FCHSD2: variants seen among roughly 807,000 people sequenced by gnomAD.
FCHSD2 encodes the protein F-BAR and double SH3 domains protein 2.
In FCHSD2, 38 loss-of-function variants were observed where a neutral mutation model predicts 108.1. The ratio of observed to expected loss-of-function variants is 0.35; its 90% CI spans 0.27 to 0.46. The LOEUF is 0.46. Among genes scored for constraint, FCHSD2 ranks in the 20% least tolerant of loss-of-function variants. FCHSD2 has a pLI of 1.00. For synonymous variants in FCHSD2, 279 were observed against 314.7 expected (o/e 0.89, Z 1.20); for missense variants, 751 against 897.8 (o/e 0.84, Z 2.09).
intron 3 of FCHSD2, among the ~76,000 whole-genome samples, chr11:73,079,938 T>C (rs918870749): frequency 1.3e-5 from 2 of 152,028 alleles, no homozygotes; most frequent in Non-Finnish European, 2.9e-5. Context: ...CGTTACATAG[T>C]TTACATACAT....
At position 72,921,834 on chromosome 11, in the gene FCHSD2, G is replaced by A. The variant is rs1473974125; in HGVS notation, c.822C>T (p.Ser274=). The change falls in exon 9 of 20, where the codon TCC becomes TCT. Residue 274 remains serine (S), a synonymous_variant. Coordinates refer to ENST00000409418, the MANE Select transcript of FCHSD2 (RefSeq NM_014824.3). ...QNTFQFLLEN[S]SKVVRDYNLQ... ...TGCACTAAAGGTAACTTACCTTGCT[G>A]GAGTTTTCTAATAAAAACTGGAATG... 1 of 1,611,238 alleles carries A rather than the reference G, an allele frequency of 6.2e-7. No homozygotes were observed. Among genetic ancestry groups the A allele is most frequent in the Non-Finnish European group, 8.5e-7 (1 of 1,178,380 alleles).
intron 2 of FCHSD2, among the ~76,000 whole-genome samples, chr11:73,129,798 G>A (rs1860949756): frequency 1.3e-5 from 2 of 152,090 alleles, no homozygotes; most frequent in South Asian, 4.2e-4. Flanking sequence ...AAAAAGGGTT[G>A]GGGACCACTG....
intron 1 of FCHSD2, among the ~76,000 whole-genome samples, chr11:73,140,944 C>T (rs774423749): frequency 1.2e-4 from 18 of 152,160 alleles, no homozygotes; most frequent in Non-Finnish European, 2.2e-4. Context: ...ATGGAGAAAC[C>T]CGGATTAGGA....
intron 3 of FCHSD2, among the ~76,000 whole-genome samples, chr11:73,049,343 G>A (rs1174117194): frequency 6.6e-6 from 1 of 152,002 alleles, no homozygotes; most frequent in Non-Finnish European, 1.5e-5. Context: ...TCTGATTTCT[G>A]TATCAATGGC....
intron 9 of FCHSD2, among the ~76,000 whole-genome samples, chr11:72,913,992 G>A (rs1855820410): frequency 6.6e-6 from 1 of 152,020 alleles, no homozygotes. Context: ...TCATAAAAAT[G>A]GCCATACTGC....
chr11:73,003,703 G>A (rs899250880), intron 4 of FCHSD2, among the ~76,000 whole-genome samples: 1 of 151,330 alleles, frequency 6.6e-6, no homozygotes, highest in African/African-American at 2.4e-5. Context: ...AGCCGGGATG[G>A]TCTCGATCTC....
chr11:72,867,786 C>T lies in FCHSD2; in HGVS notation c.1308+79G>A, dbSNP rs571661940. 4 of 1,275,726 alleles carry T rather than the reference C, an allele frequency of 3.1e-6. No individual in the cohort carries two copies. In the South Asian group the frequency reaches 6.6e-5, roughly 21 times the overall value. 79.0% of individuals were successfully genotyped at this position (1,275,726 alleles called of 1,614,324 possible). ...CTATTATCTTTTTAAAAAATTTTGG[C>T]TATTATTAAGTTTGACTACAGAGTC... On this transcript the variant is annotated intron_variant, in intron 13 of 19. Transcript: ENST00000409418.
Position 73,067,910 on chromosome 11 carries a change from G to T in FCHSD2, c.165+15785C>A, listed in dbSNP as rs545044023. The stretch of plus-strand genomic sequence containing the variant: ...TTTATAAAGAAAAAGAGGATTAATG[G>T]ACTGATAGTTCCATGTGGCTTGGGA... On this transcript the variant is annotated intron_variant, in intron 3 of 19. Coordinates refer to ENST00000409418, the MANE Select transcript of FCHSD2 (RefSeq NM_014824.3). Among the ~76,000 whole-genome samples, 3 of 152,242 alleles carry T rather than the reference G, an allele frequency of 2.0e-5. No individual in the cohort carries two copies. In the South Asian group the frequency reaches 6.2e-4, roughly 32 times the overall value.
intron 9 of FCHSD2, among the ~76,000 whole-genome samples, chr11:72,907,010 G>A (rs924244581): frequency 2.0e-5 from 3 of 152,122 alleles, no homozygotes; most frequent in African/African-American, 7.2e-5. Flanking sequence ...AAATTACCTT[G>A]GGCAGTATGG....
chr11:72,996,340 A>T (rs888201127), intron 5 of FCHSD2, among the ~76,000 whole-genome samples: 2 of 152,226 alleles, frequency 1.3e-5, no homozygotes, highest in Admixed American at 6.5e-5. Flanking sequence ...TATAATGGAT[A>T]TGGCAGCAGT....
At chr11:73,013,269 G>A (rs1235765163) in intron 4 of FCHSD2, among the ~76,000 whole-genome samples, 1 of 152,124 alleles carries the variant, frequency 6.6e-6, no homozygotes, top group Non-Finnish European at 1.5e-5. Context: ...TCCATGCCTG[G>A]AAGGGGTTAT....
At chr11:73,138,729 T>C (rs1861180141) in intron 2 of FCHSD2, among the ~76,000 whole-genome samples, 2 of 150,974 alleles carry the variant, frequency 1.3e-5, no homozygotes, top group South Asian at 2.1e-4. Flanking sequence ...TGCCTCAGCC[T>C]CCTGAGTAGC....
intron 8 of FCHSD2, among the ~76,000 whole-genome samples, chr11:72,958,043 C>A (rs914173724): frequency 5.3e-5 from 8 of 152,158 alleles, no homozygotes; most frequent in Non-Finnish European, 1.0e-4. Context: ...TCTAAACACA[C>A]GACTCTTACC....
chr11:73,103,518 T>C (rs1288117779), intron 2 of FCHSD2, among the ~76,000 whole-genome samples: 1 of 152,186 alleles, frequency 6.6e-6, no homozygotes, highest in African/African-American at 2.4e-5. Context: ...AAAGCACATA[T>C]CTGTCTTATT....
intron 13 of FCHSD2, among the ~76,000 whole-genome samples, chr11:72,863,426 T>C (rs1854647884): frequency 1.3e-5 from 2 of 152,306 alleles, no homozygotes; most frequent in Middle Eastern, 3.4e-3. Context: ...AGAAAATCTT[T>C]ATGACCTTGG....
chr11:73,078,171 T>C (rs999070032), intron 3 of FCHSD2, among the ~76,000 whole-genome samples: 11 of 152,168 alleles, frequency 7.2e-5, no homozygotes, highest in Non-Finnish European at 1.6e-4. Context: ...AAAATGTCAG[T>C]CTTTTTAATT....
chr11:72,945,809 T>C (rs1483405064), intron 8 of FCHSD2, among the ~76,000 whole-genome samples: 2 of 152,204 alleles, frequency 1.3e-5, no homozygotes, highest in Admixed American at 6.5e-5. Context: ...TCATCATCAA[T>C]GGACATCAGA....
At chr11:72,847,715 CAG>C (rs1376696546) in intron 14 of FCHSD2, among the ~76,000 whole-genome samples, 1 of 121,588 alleles carries the variant, frequency 8.2e-6, no homozygotes, top group African/African-American at 3.2e-5. Flanking sequence ...TTTTTTGAGA[CAG>C]AGTCTCGCTC....
intron 8 of FCHSD2, among the ~76,000 whole-genome samples, chr11:72,946,807 C>CT (rs1382820115): frequency 1.3e-5 from 2 of 152,176 alleles, no homozygotes; most frequent in Non-Finnish European, 2.9e-5. Flanking sequence ...GAGCAGGAAA[C>CT]TGAGTCCCAA....
Sources: allele counts gnomAD v4.1 joint callset (sites outside exome capture counted in the v4.1 genomes callset), GRCh38; gene constraint gnomAD v4.1.1; transcripts MANE v1.5; gene names NCBI Gene and HGNC (gene_info 2026-07-23, HGNC 2026-07-21).